NOL4: variants seen among roughly 807,000 people sequenced by gnomAD.
The protein encoded by NOL4 is nucleolar protein 4.
NOL4 carries 17 observed loss-of-function variants against 75.9 expected under a neutral mutation model. The ratio of observed to expected loss-of-function variants is 0.22; its 90% CI spans 0.15 to 0.34. The LOEUF is 0.34. NOL4 is among the 10% of genes least tolerant of loss of function. NOL4 has a pLI of 1.00. For missense variants in NOL4, 614 were observed against 793.5 expected, an observed-to-expected ratio of 0.77 and a Z score of 2.72; for synonymous variants, 292 against 289.9, an observed-to-expected ratio of 1.01 and a Z score of -0.07.
chr18:34,140,513 T>C (rs1274560479), intron 1 of NOL4, among the ~76,000 whole-genome samples: 3 of 152,168 alleles, frequency 2.0e-5, no homozygotes, highest in Non-Finnish European at 4.4e-5. Context: ...CCTGCCTTTT[T>C]TTGTTTTCCA....
At chr18:34,187,682 G>A (rs534440386) in intron 1 of NOL4, among the ~76,000 whole-genome samples, 3 of 152,076 alleles carry the variant, frequency 2.0e-5, no homozygotes, top group Non-Finnish European at 2.9e-5. Context: ...CACCGCGCCC[G>A]GCCAGTCCAC....
chr18:33,876,211 T>C (rs1271652861), intron 10 of NOL4, among the ~76,000 whole-genome samples: 10 of 152,054 alleles, frequency 6.6e-5, no homozygotes, highest in Non-Finnish European at 1.3e-4. Flanking sequence ...GAACATGATA[T>C]AATCTGCATG....
At chr18:34,134,569 A>G (rs2080813833) in intron 1 of NOL4, among the ~76,000 whole-genome samples, 1 of 151,948 alleles carries the variant, frequency 6.6e-6, no homozygotes, top group Non-Finnish European at 1.5e-5. Context: ...GTAAAAGCTC[A>G]CCTTCCAAAG....
intron 1 of NOL4, among the ~76,000 whole-genome samples, chr18:34,169,975 G>A (rs1568416355): frequency 6.6e-6 from 1 of 151,942 alleles, no homozygotes; most frequent in Non-Finnish European, 1.5e-5. Flanking sequence ...ATGCTGTTCT[G>A]TTTCTTCCAT....
At chr18:33,997,902 G>A (rs904345547) in intron 6 of NOL4, among the ~76,000 whole-genome samples, 12 of 151,732 alleles carry the variant, frequency 7.9e-5, no homozygotes, top group African/African-American at 2.9e-4. Context: ...ATTTGGTATT[G>A]TATAGCTGTA....
intron 1 of NOL4, chr18:34,221,918 G>A: frequency 2.1e-6 from 2 of 952,396 alleles, no homozygotes; most frequent in South Asian, 3.0e-5. Flanking sequence ...TGCCAGTACA[G>A]GAGGGGGGAA....
At chr18:34,048,365 C>G (rs2076474783) in intron 5 of NOL4, 5 of 767,862 alleles carry the variant, frequency 6.5e-6, no homozygotes, top group Non-Finnish European at 6.3e-6. Flanking sequence ...TCTACTGCTT[C>G]ATGGGACAGT....
intron 6 of NOL4, among the ~76,000 whole-genome samples, chr18:33,989,998 G>A (rs889036051): frequency 1.3e-5 from 2 of 152,028 alleles, no homozygotes; most frequent in African/African-American, 4.8e-5. Context: ...TGTTCTAGAG[G>A]CTGAGGTGTA....
In NOL4 at chr18:33,852,848, C is replaced by A; in HGVS notation, c.1911G>T (p.Gln637His). ...AATATGGTGGTCGTCTGTCTCAGTTCTGTTGTAAAATGAGATTTTCCAGTT... is the reference window on the plus strand; with the variant it reads ...AATATGGTGGTCGTCTGTCTCAGTTATGTTGTAAAATGAGATTTTCCAGTT... ...ADELENLILQ[Q>H]N The change falls in exon 11 of 11, where the codon CAG (glutamine) becomes CAT (histidine). Residue 637 changes from glutamine (Q) to histidine (H), a missense_variant. Coordinates refer to ENST00000261592, the MANE Select transcript of NOL4 (RefSeq NM_003787.5). The A allele has an allele frequency of 6.2e-7, 1 of 1,611,488 alleles. No individual in the cohort carries two copies. Among genetic ancestry groups the A allele is most frequent in the Non-Finnish European group, 8.5e-7 (1 of 1,178,670 alleles).
chr18:33,960,558 A>G (rs1015060991), intron 6 of NOL4, among the ~76,000 whole-genome samples: 1 of 152,132 alleles, frequency 6.6e-6, no homozygotes, highest in Non-Finnish European at 1.5e-5. Context: ...GTATCACTAC[A>G]CATTTGGTTT....
chr18:34,055,905 A>T (rs1349233935), intron 5 of NOL4, among the ~76,000 whole-genome samples: 1 of 152,074 alleles, frequency 6.6e-6, no homozygotes, highest in Non-Finnish European at 1.5e-5. Flanking sequence ...GTCTCTCTAA[A>T]TAATTTTTCA....
chr18:33,917,263 G>A (rs2066776776), intron 9 of NOL4, among the ~76,000 whole-genome samples: 1 of 151,976 alleles, frequency 6.6e-6, no homozygotes, highest in African/African-American at 2.4e-5. Flanking sequence ...CTACTGTTCA[G>A]CAGCTTGTCC....
At chr18:34,006,598 A>T (rs973426383) in intron 6 of NOL4, among the ~76,000 whole-genome samples, 10 of 152,024 alleles carry the variant, frequency 6.6e-5, no homozygotes, top group Non-Finnish European at 1.2e-4. Context: ...TGTACACAAC[A>T]CTTCTGCCAA....
At chr18:34,043,292 A>C (rs778245469) in intron 5 of NOL4, among the ~76,000 whole-genome samples, 1 of 152,132 alleles carries the variant, frequency 6.6e-6, no homozygotes, top group Non-Finnish European at 1.5e-5. Flanking sequence ...ATGCATGTAT[A>C]GATGGATGAA....
chr18:34,079,141 C>T (rs2077880146), intron 5 of NOL4, among the ~76,000 whole-genome samples: 1 of 152,162 alleles, frequency 6.6e-6, no homozygotes. Flanking sequence ...ACCACCACTC[C>T]TTTCTCTCTA....
intron 1 of NOL4, among the ~76,000 whole-genome samples, chr18:34,167,561 T>TAGATAGAC (rs1200688846): frequency 6.6e-6 from 1 of 150,582 alleles, no homozygotes; most frequent in African/African-American, 2.5e-5. Flanking sequence ...GATAGATAGA[T>TAGATAGAC]AGACAGACAG....
At chr18:34,000,251 G>A (rs1377639983) in intron 6 of NOL4, among the ~76,000 whole-genome samples, 1 of 152,040 alleles carries the variant, frequency 6.6e-6, no homozygotes, top group Non-Finnish European at 1.5e-5. Flanking sequence ...CTGCTCAGGA[G>A]CTGGCCAGTT....
At chr18:34,156,374 A>T (rs116815728) in intron 1 of NOL4, among the ~76,000 whole-genome samples, 1 of 152,190 alleles carries the variant, frequency 6.6e-6, no homozygotes, top group South Asian at 2.1e-4. Flanking sequence ...TGACACTGCT[A>T]GTAAGTCATT....
At chr18:34,130,780 T>C (rs1262996734) in intron 1 of NOL4, among the ~76,000 whole-genome samples, 1 of 152,206 alleles carries the variant, frequency 6.6e-6, no homozygotes, top group East Asian at 1.9e-4. Flanking sequence ...CTCTTGTCAT[T>C]TTCAGGACCA....
Sources: allele counts gnomAD v4.1 joint callset (sites outside exome capture counted in the v4.1 genomes callset), GRCh38; gene constraint gnomAD v4.1.1; transcripts MANE v1.5; gene names NCBI Gene and HGNC (gene_info 2026-07-23, HGNC 2026-07-21).